The following CEP63 variants were observed in gnomAD, a reference collection of about 807,000 sequenced individuals.
The protein encoded by CEP63 is centrosomal protein of 63 kDa.
CEP63 carries 84 observed loss-of-function variants against 89.1 expected under a neutral mutation model. The ratio of observed to expected loss-of-function variants is 0.94; its 90% CI spans 0.79 to 1.13. The LOEUF is 1.13. Among genes scored for constraint, CEP63 ranks in the 50% most tolerant of loss-of-function variants. The pLI, the probability that CEP63 is intolerant of heterozygous loss-of-function variation, is 0.00. For missense variants in CEP63, 838 were observed against 813.3 expected, an observed-to-expected ratio of 1.03 and a Z score of -0.37; for synonymous variants, 267 against 272.5, an observed-to-expected ratio of 0.98 and a Z score of 0.20.
At chr3:134,685,397 C>T in the CEP63 span, among the ~76,000 whole-genome samples, 1 of 151,948 alleles carries the variant, frequency 6.6e-6, no homozygotes, top group Admixed American at 6.6e-5. Flanking sequence ...CTGGGGATGC[C>T]CATCTCACCC....
At chr3:134,781,148 G>A in the CEP63 span, among the ~76,000 whole-genome samples, 1 of 152,118 alleles carries the variant, frequency 6.6e-6, no homozygotes, top group Admixed American at 6.5e-5. Context: ...TAGCTGATAA[G>A]GCAAAGCCTT....
downstream of CEP63, among the ~76,000 whole-genome samples, chr3:134,577,252 GAA>G (rs11328639): frequency 7.3e-5 from 11 of 150,656 alleles, 1 homozygote; most frequent in Admixed American, 4.0e-4. Flanking sequence ...AAACTTCTAG[GAA>G]AAAAAAAATA....
chr3:134,757,712 G>A, the CEP63 span, among the ~76,000 whole-genome samples: 1 of 152,154 alleles, frequency 6.6e-6, no homozygotes, highest in Non-Finnish European at 1.5e-5. Context: ...AGGGGCCCTT[G>A]GGGGGTGGTG....
At chr3:134,532,696 T>C in intron 4 of CEP63, 82 bp from the exon 5 acceptor site, 2 of 1,188,086 alleles carry the variant, frequency 1.7e-6, no homozygotes, top group Non-Finnish European at 1.2e-6. Flanking sequence ...AGCACTGCTC[T>C]TGTTTTCATA....
rs752207334 is a variant in CEP63, at chr3:134,549,061, G to A, written c.1068-1G>A. 61 of 1,600,398 alleles carry A rather than the reference G, an allele frequency of 3.8e-5. No homozygotes were observed. The highest frequency in any genetic ancestry group is 4.5e-5 in the Non-Finnish European group (53 of 1,167,710). On this transcript the variant is annotated splice_acceptor_variant, in intron 9 of 14. Transcript: ENST00000675561. LOFTEE classifies it high-confidence loss of function. Reference sequence around the variant, plus strand: ...TATGGGATCTTATTTTTGTCATACAGTTTGGAATCTGTGAGTGCAACGTGT... The same window carrying A: ...TATGGGATCTTATTTTTGTCATACAATTTGGAATCTGTGAGTGCAACGTGT...
intron 3 of CEP63, among the ~76,000 whole-genome samples, chr3:134,529,901 T>C (rs1240450416): frequency 9.1e-6 from 1 of 109,338 alleles, no homozygotes; most frequent in East Asian, 2.8e-4. Context: ...TTAGACGGGG[T>C]CTTGCTCTGT....
At chr3:134,633,510 C>T in the CEP63 span, among the ~76,000 whole-genome samples, 2 of 152,064 alleles carry the variant, frequency 1.3e-5, no homozygotes, top group African/African-American at 4.8e-5. Flanking sequence ...CTACTAGGAT[C>T]ACACCTATTG....
the CEP63 span, among the ~76,000 whole-genome samples, chr3:134,663,496 A>C: frequency 6.6e-6 from 1 of 152,156 alleles, no homozygotes; most frequent in Non-Finnish European, 1.5e-5. Context: ...GATATTCTAG[A>C]ATCATAGAGC....
At chr3:134,616,357 G>T in the CEP63 span, among the ~76,000 whole-genome samples, 1 of 152,126 alleles carries the variant, frequency 6.6e-6, no homozygotes, top group Non-Finnish European at 1.5e-5. Flanking sequence ...GGAATGGACT[G>T]GCAAAAAGTA....
At chr3:134,748,986 G>A in the CEP63 span, among the ~76,000 whole-genome samples, 2 of 152,142 alleles carry the variant, frequency 1.3e-5, no homozygotes, top group South Asian at 4.1e-4. Flanking sequence ...TTGCAGGTGG[G>A]AATAGTTTAA....
At chr3:134,488,847 G>A (rs1185441448) in intron 1 of CEP63, among the ~76,000 whole-genome samples, 1 of 151,836 alleles carries the variant, frequency 6.6e-6, no homozygotes, top group African/African-American at 2.4e-5. Context: ...GTTAATTAAA[G>A]TGAAATAAAA....
At chr3:134,601,636 C>T in the CEP63 span, among the ~76,000 whole-genome samples, 4 of 152,202 alleles carry the variant, frequency 2.6e-5, no homozygotes, top group Non-Finnish European at 4.4e-5. Flanking sequence ...GTGAGTGACA[C>T]GAGGCTGGCT....
At chr3:134,742,522 C>CA in the CEP63 span, among the ~76,000 whole-genome samples, 1 of 152,220 alleles carries the variant, frequency 6.6e-6, no homozygotes, top group Non-Finnish European at 1.5e-5. Context: ...GGTCTCAGAT[C>CA]AACCCAGTTC....
At chr3:134,704,515 T>C in the CEP63 span, among the ~76,000 whole-genome samples, 34 of 151,950 alleles carry the variant, frequency 2.2e-4, no homozygotes, top group Admixed American at 1.9e-3. Flanking sequence ...AGAGAGAAAA[T>C]GATGGAAGCC....
chr3:134,620,673 A>G, the CEP63 span: 2 of 1,014,496 alleles, frequency 2.0e-6, no homozygotes, highest in East Asian at 5.1e-5. Context: ...ACACGTGAAT[A>G]AGCTGATAGG....
chr3:134,757,095 C>A, the CEP63 span, among the ~76,000 whole-genome samples: 13 of 152,156 alleles, frequency 8.5e-5, no homozygotes, highest in African/African-American at 2.9e-4. Flanking sequence ...ATCAAGCAAG[C>A]AGATGCTTTC....
the CEP63 span, among the ~76,000 whole-genome samples, chr3:134,594,572 A>G: frequency 6.6e-6 from 1 of 152,120 alleles, no homozygotes; most frequent in African/African-American, 2.4e-5. Context: ...GAGCACTCCC[A>G]GCCAGGTGGC....
the CEP63 span, among the ~76,000 whole-genome samples, chr3:134,631,331 C>T: frequency 8.5e-5 from 13 of 152,154 alleles, no homozygotes; most frequent in South Asian, 6.2e-4. Flanking sequence ...CAGTGAAAAG[C>T]GATGTAAAGC....
chr3:134,526,251 A>G (rs1032817647), intron 3 of CEP63, among the ~76,000 whole-genome samples: 2 of 151,974 alleles, frequency 1.3e-5, no homozygotes, highest in African/African-American at 2.4e-5. Context: ...GCATTATAAA[A>G]TTCTTGTGGC....
Sources: allele counts gnomAD v4.1 joint callset (sites outside exome capture counted in the v4.1 genomes callset), GRCh38; gene constraint gnomAD v4.1.1; transcripts MANE v1.5; gene names NCBI Gene and HGNC (gene_info 2026-07-23, HGNC 2026-07-21).